ZFHX4: variants seen among roughly 807,000 people sequenced by gnomAD.
ZFHX4 encodes the protein zinc finger homeobox protein 4.
Under a neutral mutation model 267.6 loss-of-function variants are expected in ZFHX4, and 56 were observed. The ratio of observed to expected loss-of-function variants is 0.21; its 90% CI spans 0.17 to 0.26. ZFHX4 has a LOEUF of 0.26. Among genes scored for constraint, ZFHX4 ranks in the 10% least tolerant of loss-of-function variants. The probability of loss-of-function intolerance (pLI) is 1.00; values close to 1 mark genes in which losing one functional copy is unlikely to be tolerated. For synonymous variants in ZFHX4, 1,778 were observed against 1,665.6 expected (o/e 1.07, Z -1.64); for missense variants, 4,332 against 4,420.0 (o/e 0.98, Z 0.56).
At chr8:76,711,362 T>C (rs184653418) in intron 3 of ZFHX4, among the ~76,000 whole-genome samples, 1 of 152,266 alleles carries the variant, frequency 6.6e-6, no homozygotes, top group East Asian at 1.9e-4. Context: ...AACAATAAGA[T>C]GAAACTGAAG....
chr8:76,711,254 T>G (rs1808416378), intron 3 of ZFHX4, among the ~76,000 whole-genome samples: 1 of 152,182 alleles, frequency 6.6e-6, no homozygotes, highest in Non-Finnish European at 1.5e-5. Flanking sequence ...TCTTACCCAT[T>G]TCTTCAAGTG....
At position 76,681,536 on chromosome 8, in the gene ZFHX4, A is replaced by T; in HGVS notation, c.-131A>T. On this transcript the variant is annotated 5_prime_UTR_variant, in exon 1 of 11. Coordinates refer to ENST00000651372, the MANE Select transcript of ZFHX4 (RefSeq NM_024721.5). ...TTTTTTTAATGAACCCTCTCGTTTT[A>T]CTTGGATGTGATCAGCTGTAAGTAA... The T allele has an allele frequency of 2.5e-6, 1 of 398,120 alleles. No individual in the cohort carries two copies. Among genetic ancestry groups the T allele is most frequent in the Non-Finnish European group, 4.4e-6 (1 of 225,894 alleles). The allele number at this position is 398,120 out of a possible 1,614,324, so 24.7% of individuals were successfully genotyped here.
rs763988114 is a variant in ZFHX4 at position 76,863,458 on chromosome 8, T to G, written c.9744T>G (p.Asn3248Lys). ...VDPIQLQALQ[N>K]AIAGDPASFI... ...CTATTCAGTTGCAGGCATTACAGAA[T>G]GCAATTGCTGGTGACCCAGCTTCCT... The change falls in exon 11 of 11, where the codon AAT becomes AAG. Residue 3248 changes from asparagine to lysine, a missense_variant. Around this residue, in one of 7 missense-constraint regions of ZFHX4, gnomAD observed 1,648 missense variants for 1,625.0 expected, o/e 1.01. Coordinates refer to ENST00000651372, the MANE Select transcript of ZFHX4 (RefSeq NM_024721.5). 9.9e-6 allele frequency: 16 copies of G among 1,613,668 alleles called. 1 individual carries two copies. The East Asian group carries it at 3.3e-4, about 34-fold the overall frequency.
chr8:76,840,961 C>T (rs984484343), intron 5 of ZFHX4, among the ~76,000 whole-genome samples: 1 of 152,182 alleles, frequency 6.6e-6, no homozygotes, highest in African/African-American at 2.4e-5. Context: ...TGAAAGCAGG[C>T]TAGCGCCAGA....
intron 5 of ZFHX4, among the ~76,000 whole-genome samples, chr8:76,842,108 T>G (rs2733709): frequency 2.0e-5 from 3 of 151,732 alleles, no homozygotes; most frequent in African/African-American, 7.3e-5. Context: ...TATAGCTCCC[T>G]CTACAGAAGA....
intron 3 of ZFHX4, among the ~76,000 whole-genome samples, chr8:76,764,346 A>G (rs184473793): frequency 6.6e-6 from 1 of 152,134 alleles, no homozygotes; most frequent in Admixed American, 6.6e-5. Flanking sequence ...AATCTGAGAG[A>G]TTTGTTTGTT....
At chr8:76,700,189 C>T (rs563843593) in intron 1 of ZFHX4, among the ~76,000 whole-genome samples, 12 of 151,928 alleles carry the variant, frequency 7.9e-5, no homozygotes, top group African/African-American at 2.7e-4. Flanking sequence ...ACTTTTAACC[C>T]ATGTAAAATG....
intron 3 of ZFHX4, among the ~76,000 whole-genome samples, chr8:76,755,178 G>C (rs1176334660): frequency 6.6e-6 from 1 of 151,738 alleles, no homozygotes; most frequent in Admixed American, 6.6e-5. Context: ...ATTTTTCATT[G>C]AGTTATTTGT....
intron 3 of ZFHX4, among the ~76,000 whole-genome samples, chr8:76,735,211 A>G (rs1243478222): frequency 1.3e-5 from 2 of 152,106 alleles, no homozygotes; most frequent in Non-Finnish European, 2.9e-5. Context: ...ATTGATATTA[A>G]TGTGAGCTTT....
chr8:76,706,180 C>T lies in ZFHX4; in HGVS notation c.2092C>T (p.Pro698Ser). ...RGESYTCGYK[P>S]FRCEVCNYST... ...TGAGAGTTACACGTGTGGCTATAAA[C>T]CCTTCCGTTGTGAGGTTTGTAACTA... The change falls in exon 2 of 11, where the codon CCC (proline) becomes TCC (serine). Residue 698 changes from proline to serine, a missense_variant. By Grantham distance (74) the Pro-to-Ser change is moderately conservative. Transcript: ENST00000651372. 6.2e-7 allele frequency: 1 copy of T among 1,614,030 alleles called. No individual in the cohort carries two copies. The highest frequency in any genetic ancestry group is 8.5e-7 in the Non-Finnish European group (1 of 1,180,004).
rs1162363059 is a variant in ZFHX4 at position 76,696,654 on chromosome 8, CAAAT to C, written c.-46-7385_-46-7382del. Among the ~76,000 whole-genome samples the C allele has an allele frequency of 2.7e-5, 4 of 145,618 alleles. No individual in the cohort carries two copies. In the Middle Eastern group the frequency reaches 0.011, roughly 393 times the overall value. On this transcript the variant is annotated intron_variant, in intron 1 of 10. Transcript: ENST00000651372. The stretch of plus-strand genomic sequence containing the variant: ...CAGGCCAAAAAAAAAAAAAAAAACT[CAAAT>C]AAAAATCCCCAAACAAAAGGCTCTT...
At chr8:76,778,743 A>C (rs751937675) in intron 4 of ZFHX4, among the ~76,000 whole-genome samples, 36 of 152,304 alleles carry the variant, frequency 2.4e-4, no homozygotes, top group East Asian at 1.9e-4. Flanking sequence ...AGTGAGCTTT[A>C]ATTTCCTTTC....
At chr8:76,803,843 G>C (rs1000439837) in intron 4 of ZFHX4, among the ~76,000 whole-genome samples, 1 of 152,066 alleles carries the variant, frequency 6.6e-6, no homozygotes, top group Non-Finnish European at 1.5e-5. Context: ...TAAAAAGATA[G>C]TAAGTATATA....
At chr8:76,824,461 A>G (rs572436101) in intron 4 of ZFHX4, among the ~76,000 whole-genome samples, 2 of 152,298 alleles carry the variant, frequency 1.3e-5, no homozygotes, top group South Asian at 4.1e-4. Context: ...GAAGTTTGGT[A>G]TGGGGAGCAG....
chr8:76,707,444 T>C (rs1808305393), intron 2 of ZFHX4, 102 bp from the exon 3 acceptor site: 5 of 1,100,360 alleles, frequency 4.5e-6, no homozygotes, highest in South Asian at 3.5e-5. Context: ...GTTTAAGCTC[T>C]AGAGAAAGCA....
At chr8:76,732,768 G>A (rs1809055512) in intron 3 of ZFHX4, among the ~76,000 whole-genome samples, 1 of 152,130 alleles carries the variant, frequency 6.6e-6, no homozygotes, top group South Asian at 2.1e-4. Flanking sequence ...TACCTTCGAA[G>A]GATTCTCCAT....
chr8:76,720,086 T>C (rs539433156), intron 3 of ZFHX4, among the ~76,000 whole-genome samples: 326 of 152,332 alleles, frequency 2.1e-3, no homozygotes, highest in African/African-American at 7.5e-3. Flanking sequence ...TACAGAATTA[T>C]GCAGCCATTA....
chr8:76,707,173 A>G (rs955311820), intron 2 of ZFHX4, among the ~76,000 whole-genome samples: 1 of 152,216 alleles, frequency 6.6e-6, no homozygotes, highest in Non-Finnish European at 1.5e-5. Flanking sequence ...GCACGCATAC[A>G]ATATTAGCCA....
chr8:76,699,357 T>C (rs1163744387), intron 1 of ZFHX4, among the ~76,000 whole-genome samples: 3 of 151,862 alleles, frequency 2.0e-5, no homozygotes, highest in Non-Finnish European at 4.4e-5. Context: ...GCATTTGCTG[T>C]CCTTCTTGCT....
Sources: gnomAD v4.1 joint callset for allele counts (sites outside exome capture counted in the v4.1 genomes callset) on GRCh38, gnomAD v4.1.1 for gene constraint, gnomAD v4.1.1 regional missense constraint, MANE v1.5 for transcripts, NCBI Gene and HGNC (gene_info 2026-07-23, HGNC 2026-07-21) for gene names.